The following ANKRD12 variants were observed in gnomAD, a reference collection of about 807,000 sequenced individuals.
The protein encoded by ANKRD12 is ankyrin repeat domain 12.
ANKRD12 carries 85 observed loss-of-function variants against 183.4 expected under a neutral mutation model. The ratio of observed to expected loss-of-function variants is 0.46; its 90% confidence interval spans 0.39 to 0.56. ANKRD12 has a LOEUF of 0.56. Ranked by LOEUF, ANKRD12 falls within the 20% of genes least tolerant of loss-of-function variation. The pLI is 0.00. For synonymous variants in ANKRD12, 914 were observed against 800.2 expected (o/e 1.14, Z -2.40); for missense variants, 2,405 against 2,357.1 (o/e 1.02, Z -0.42).
chr18:9,230,836 T>A (rs1199730890), intron 8 of ANKRD12, among the ~76,000 whole-genome samples: 87 of 150,054 alleles, frequency 5.8e-4, no homozygotes, highest in Middle Eastern at 3.4e-3. Context: ...TTTTTGTATT[T>A]TTTTTTTTTT....
rs560783016 is a variant in ANKRD12, at chr18:9,157,603, A to AT, written c.-52+20655dup. ...TGTGTGTGTATATATATATATATGT[A>AT]TTTTTTTTTTTTTTTTTGAGATGGA... On this transcript the variant is annotated intron_variant, in intron 1 of 12. Coordinates refer to ENST00000262126, the MANE Select transcript of ANKRD12 (RefSeq NM_015208.5). Among the ~76,000 whole-genome samples the AT allele has an allele frequency of 2.1e-3, 180 of 84,630 alleles. 2 individuals carry two copies. The highest frequency in any genetic ancestry group is 5.6e-3 in the African/African-American group (127 of 22,566). The allele number at this position is 84,630 out of a possible 152,430, so 55.5% of individuals were successfully genotyped here. A position where few individuals can be genotyped will look rare whatever the true frequency, so the allele number is the denominator to read the frequency against.
At chr18:9,157,543 G>GGGTGTGTA (rs1243109497) in intron 1 of ANKRD12, among the ~76,000 whole-genome samples, 272 of 127,422 alleles carry the variant, frequency 2.1e-3, no homozygotes, top group Non-Finnish European at 3.6e-3. Context: ...ATTTTATGGT[G>GGGTGTGTA]TGTGTGGGTG....
intron 1 of ANKRD12, among the ~76,000 whole-genome samples, chr18:9,145,581 A>G (rs1368487461): frequency 6.6e-6 from 1 of 152,206 alleles, no homozygotes; most frequent in Non-Finnish European, 1.5e-5. Context: ...TCTCTATTCC[A>G]TCACGTTGTA....
chr18:9,176,655 T>C (rs2033295780), intron 1 of ANKRD12, among the ~76,000 whole-genome samples: 1 of 152,226 alleles, frequency 6.6e-6, no homozygotes, highest in African/African-American at 2.4e-5. Context: ...CTGTACATCT[T>C]CTTTACCCAA....
intron 8 of ANKRD12, among the ~76,000 whole-genome samples, chr18:9,236,754 G>A (rs193115108): frequency 1.9e-4 from 29 of 152,210 alleles, no homozygotes; most frequent in Admixed American, 9.8e-4. Flanking sequence ...TTTCTGAGCC[G>A]AAAAAGCCTA....
chr18:9,182,193 T>A (rs8092613), intron 1 of ANKRD12, among the ~76,000 whole-genome samples, 189 bp from the exon 2 acceptor site: 120,162 of 152,152 alleles, frequency 0.79, 47,656 homozygotes, highest in Middle Eastern at 0.88. Flanking sequence ...AGAAATTTAT[T>A]AAAGTAATTC....
In ANKRD12 at chr18:9,255,357, AAG is replaced by A. The variant is rs2038541702; in HGVS notation, c.2094_2095del (p.Asn699PhefsTer3). On this transcript the variant is annotated frameshift_variant, in exon 9 of 13. Coordinates refer to ENST00000262126, the MANE Select transcript of ANKRD12 (RefSeq NM_015208.5). LOFTEE classifies it high-confidence loss of function. ...GTGGAATTTGATAGAGAATTTTGGAAAGAGAATTTTTTTAAAAGTGATGAAAC... is the reference window on the plus strand; with the variant it reads ...GTGGAATTTGATAGAGAATTTTGGAAAGAATTTTTTTAAAAGTGATGAAAC... 1.9e-6 allele frequency: 3 copies of A among 1,608,698 alleles called. No homozygotes were observed. Among genetic ancestry groups the A allele is most frequent in the Non-Finnish European group, 1.7e-6 (2 of 1,178,474 alleles).
intron 8 of ANKRD12, among the ~76,000 whole-genome samples, chr18:9,253,306 CTG>C (rs1185377808): frequency 6.6e-6 from 1 of 152,158 alleles, no homozygotes; most frequent in Non-Finnish European, 1.5e-5. Flanking sequence ...TTCTATCTAA[CTG>C]TATTTTTGTA....
chr18:9,259,467 C>A (rs1277713868), intron 9 of ANKRD12: 1 of 149,344 alleles, frequency 6.7e-6, no homozygotes, highest in Non-Finnish European at 1.5e-5. Flanking sequence ...TATGCAGACT[C>A]TATATAAACA....
Position 9,191,844 on chromosome 18 carries a change from C to G in ANKRD12, c.88-3707C>G, listed in dbSNP as rs553535012. 7.9e-5 allele frequency among the ~76,000 whole-genome samples: 12 copies of G among 152,068 alleles called. No homozygotes were observed. The South Asian group carries it at 1.2e-3, about 16-fold the overall frequency. ...ACACTCTGGGCCACTGGCCATCTGT[C>G]CTAATCACCCCAGAACCAGGCACCA... On this transcript the variant is annotated intron_variant, in intron 2 of 12. Transcript: ENST00000262126.
chr18:9,239,639 C>A, intron 8 of ANKRD12: 1 of 563,504 alleles, frequency 1.8e-6, no homozygotes, highest in Non-Finnish European at 2.8e-6. Flanking sequence ...TACATGAGGT[C>A]CTTGTTAGAT....
intron 10 of ANKRD12, among the ~76,000 whole-genome samples, chr18:9,272,561 CAA>C (rs879720630): frequency 1.5e-5 from 2 of 137,278 alleles, no homozygotes; most frequent in Admixed American, 7.4e-5. Context: ...GACTCCATCT[CAA>C]AAAAAAAAAG....
Position 9,258,837 on chromosome 18 carries a change from T to A in ANKRD12, c.5570T>A (p.Ile1857Asn). The change falls in exon 9 of 13, where the codon ATT becomes AAT. Residue 1857 changes from isoleucine (I) to asparagine (N), a missense_variant. Coordinates refer to ENST00000262126, the MANE Select transcript of ANKRD12 (RefSeq NM_015208.5). ...AAACGCAAATTACTGTGTAGTGTGA[T>A]TCCTCAAGCACCTCAGTACTATGAC... is the stretch of plus-strand genomic sequence containing the variant. ...EEKRKLLCSV[I>N]PQAPQYYDEY... 1.2e-6 allele frequency: 2 copies of A among 1,613,932 alleles called. No individual in the cohort carries two copies. The highest frequency in any genetic ancestry group is 1.7e-6 in the Non-Finnish European group (2 of 1,179,852).
chr18:9,257,383 T>C lies in ANKRD12; in HGVS notation c.4116T>C (p.Ser1372=), dbSNP rs1349985226. 7 of 1,614,004 alleles carry C rather than the reference T, an allele frequency of 4.3e-6. No individual in the cohort carries two copies. Among genetic ancestry groups the C allele is most frequent in the Non-Finnish European group, 5.9e-6 (7 of 1,180,020 alleles). The change falls in exon 9 of 13, where the codon TCT becomes TCC. Residue 1372 remains serine (S), a synonymous_variant. Coordinates refer to ENST00000262126, the MANE Select transcript of ANKRD12 (RefSeq NM_015208.5). ...VSNIHSSFAT[S]PTGASNSKYV... ...ACATACATTCCAGTTTTGCAACTTCTCCAACTGGAGCTTCAAACAGCAAGT... is the reference window on the plus strand; with the variant it reads ...ACATACATTCCAGTTTTGCAACTTCCCCAACTGGAGCTTCAAACAGCAAGT...
intron 2 of ANKRD12, among the ~76,000 whole-genome samples, chr18:9,186,351 A>G (rs2034061422): frequency 6.6e-6 from 1 of 152,218 alleles, no homozygotes; most frequent in South Asian, 2.1e-4. Flanking sequence ...ATGAATACAA[A>G]CTATTACATT....
intron 1 of ANKRD12, among the ~76,000 whole-genome samples, chr18:9,162,250 A>G (rs1288881974): frequency 1.7e-5 from 2 of 119,804 alleles, no homozygotes; most frequent in Admixed American, 1.1e-4. Context: ...CAATATGTCC[A>G]TGTGTTCTCA....
intron 9 of ANKRD12, among the ~76,000 whole-genome samples, chr18:9,259,135 C>G (rs2038811892): frequency 6.6e-6 from 1 of 152,094 alleles, no homozygotes. Flanking sequence ...GAAATTTTAG[C>G]CGAAATAATA....
chr18:9,144,403 T>C (rs2143413379), intron 1 of ANKRD12, among the ~76,000 whole-genome samples: 1 of 152,346 alleles, frequency 6.6e-6, no homozygotes, highest in South Asian at 2.1e-4. Context: ...AAAGTACTAC[T>C]ACCTTATTGG....
Position 9,281,085 on chromosome 18 carries a change from C to G in ANKRD12, c.6148C>G (p.Leu2050Val). 6.2e-7 allele frequency: 1 copy of G among 1,614,050 alleles called. No individual in the cohort carries two copies. Among genetic ancestry groups the G allele is most frequent in the Non-Finnish European group, 8.5e-7 (1 of 1,179,990 alleles). ...IYEIQEFYVP[L>V]VDVNDDFELT... The stretch of plus-strand genomic sequence containing the variant: ...CGAAATCCAGGAGTTTTATGTTCCC[C>G]TTGTTGATGTTAACGACGACTTTGA... The change falls in exon 13 of 13, where the codon CTT (leucine) becomes GTT (valine). Residue 2050 changes from leucine to valine, a missense_variant. By Grantham distance (32) the Leu-to-Val change is conservative. Coordinates refer to ENST00000262126, the MANE Select transcript of ANKRD12 (RefSeq NM_015208.5).
Sources: gnomAD v4.1 joint callset for allele counts (sites outside exome capture counted in the v4.1 genomes callset) on GRCh38, gnomAD v4.1.1 for gene constraint, MANE v1.5 for transcripts, NCBI Gene and HGNC (gene_info 2026-07-23, HGNC 2026-07-21) for gene names.